GRAMD1C: variants seen among roughly 807,000 people sequenced by gnomAD.
GRAMD1C encodes the protein GRAM domain containing 1C.
A neutral mutation model predicts 97.8 loss-of-function variants in GRAMD1C; 89 were observed. The observed-to-expected ratio is 0.91, with a 90% CI of 0.77 to 1.09. The LOEUF (loss-of-function observed/expected upper bound fraction) is 1.09, where lower values mean the gene tolerates loss of function less well. Among genes scored for constraint, GRAMD1C ranks in the 50% least tolerant of loss-of-function variants. The pLI is 0.00. For synonymous variants in GRAMD1C, 256 were observed against 267.0 expected (o/e 0.96, Z 0.40); for missense variants, 740 against 766.4 (o/e 0.97, Z 0.41).
intron 8 of GRAMD1C, among the ~76,000 whole-genome samples, chr3:113,905,742 C>G (rs1936347622): frequency 6.6e-6 from 1 of 151,688 alleles, no homozygotes; most frequent in South Asian, 2.1e-4. Context: ...GTTGCCCAGG[C>G]TGGAGTGCAG....
intron 6 of GRAMD1C, among the ~76,000 whole-genome samples, chr3:113,900,366 A>G (rs1334875615): frequency 1.3e-5 from 2 of 150,768 alleles, no homozygotes; most frequent in Non-Finnish European, 3.0e-5. Flanking sequence ...CTCAAAAACA[A>G]GCAAACAAAC....
chr3:113,851,521 T>C (rs1333345111), intron 2 of GRAMD1C, among the ~76,000 whole-genome samples: 1 of 140,446 alleles, frequency 7.1e-6, no homozygotes, highest in African/African-American at 2.6e-5. Context: ...TTTCTTTCTT[T>C]CTTTTTTTTT....
intron 6 of GRAMD1C, chr3:113,897,850 T>C (rs1417780094): frequency 3.8e-6 from 2 of 523,334 alleles, no homozygotes; most frequent in African/African-American, 4.2e-5. Flanking sequence ...TTAGGTTGTT[T>C]TGAAGACTAC....
At chr3:113,829,330 C>T (rs112038226) in intron 1 of GRAMD1C, among the ~76,000 whole-genome samples, 2,232 of 152,152 alleles carry the variant, frequency 0.015, 51 homozygotes, top group African/African-American at 0.049. Context: ...GGCCTGTGGC[C>T]CCAGGTACTT....
intron 2 of GRAMD1C, among the ~76,000 whole-genome samples, chr3:113,866,726 C>T (rs1389610297): frequency 1.3e-5 from 2 of 152,016 alleles, no homozygotes; most frequent in Admixed American, 6.6e-5. Flanking sequence ...TCTTCAGATT[C>T]ATACTAATTT....
intron 6 of GRAMD1C, among the ~76,000 whole-genome samples, chr3:113,896,850 AT>A (rs1479972832): frequency 6.6e-6 from 1 of 152,164 alleles, no homozygotes; most frequent in African/African-American, 2.4e-5. Context: ...ATTAGGGCAA[AT>A]TTTGCTTCTT....
intron 17 of GRAMD1C, 109 bp downstream of exon 17, chr3:113,940,454 C>G (rs193214141): frequency 1.6e-6 from 1 of 638,052 alleles, no homozygotes; most frequent in Non-Finnish European, 2.8e-6. Flanking sequence ...AAAAAATCCC[C>G]CTGCTAGAGC....
At chr3:113,908,436 A>C (rs1936445940) in intron 8 of GRAMD1C, among the ~76,000 whole-genome samples, 1 of 151,322 alleles carries the variant, frequency 6.6e-6, no homozygotes, top group Non-Finnish European at 1.5e-5. Flanking sequence ...TGTTTTTATG[A>C]GTTTGCTATG....
chr3:113,898,770 C>G (rs771578693), intron 6 of GRAMD1C, among the ~76,000 whole-genome samples: 7 of 152,142 alleles, frequency 4.6e-5, no homozygotes, highest in Non-Finnish European at 8.8e-5. Context: ...TGCCATTTCA[C>G]TTAACTTGAA....
chr3:113,850,843 C>T (rs1933867179), intron 2 of GRAMD1C: 1 of 419,050 alleles, frequency 2.4e-6, no homozygotes, highest in South Asian at 6.6e-5. Flanking sequence ...GCTCTGTCAC[C>T]CAGGCAGGAG....
intron 10 of GRAMD1C, among the ~76,000 whole-genome samples, chr3:113,922,673 C>T (rs765209300): frequency 4.6e-5 from 7 of 152,136 alleles, no homozygotes; most frequent in East Asian, 1.9e-4. Flanking sequence ...GTTTTGGTTA[C>T]GGTTGTCTTA....
At chr3:113,898,686 A>G (rs1166280019) in intron 6 of GRAMD1C, among the ~76,000 whole-genome samples, 3 of 152,120 alleles carry the variant, frequency 2.0e-5, no homozygotes, top group Non-Finnish European at 4.4e-5. Flanking sequence ...TTAGATATAT[A>G]TTATTTCCAG....
intron 1 of GRAMD1C, among the ~76,000 whole-genome samples, chr3:113,842,972 A>C (rs2108069274): frequency 6.6e-6 from 1 of 151,134 alleles, no homozygotes. Context: ...CAAAAAAAAA[A>C]CAAAACAAAA....
In GRAMD1C at chr3:113,933,651, A is replaced by G; in HGVS notation, c.1350A>G (p.Leu450=). 6.2e-7 allele frequency: 1 copy of G among 1,604,118 alleles called. No homozygotes were observed. Among genetic ancestry groups the G allele is most frequent in the Non-Finnish European group, 8.5e-7 (1 of 1,171,380 alleles). ...GATCTTCAAAACAGAAATGCAGGCT[A>G]AGGTGAGCTGCTGTACATGAATGTG... is the stretch of plus-strand genomic sequence containing the variant. The part of the protein sequence containing the change: ...IIRSSKQKCR[L]RVSTDLKYRK... Residue 450 remains leucine (L), a splice_region_variant and synonymous_variant, in exon 12 of 18, where the codon CTA becomes CTG. Coordinates refer to ENST00000358160, the MANE Select transcript of GRAMD1C (RefSeq NM_017577.5).
At chr3:113,836,477 G>A (rs1209998927), upstream of GRAMD1C, among the ~76,000 whole-genome samples, 3 of 150,660 alleles carry the variant, frequency 2.0e-5, no homozygotes, top group Middle Eastern at 3.2e-3. Flanking sequence ...ATTCATCTTC[G>A]TGGAAGCATT....
At chr3:113,897,465 G>A in intron 6 of GRAMD1C, 1 of 927,212 alleles carries the variant, frequency 1.1e-6, no homozygotes, top group Non-Finnish European at 1.3e-6. Context: ...AGTGGCTTAG[G>A]AACCTGTAGA....
intron 6 of GRAMD1C, 49 bp from the exon 7 acceptor site, chr3:113,900,982 T>TTA: frequency 2.2e-6 from 2 of 929,046 alleles, no homozygotes; most frequent in Non-Finnish European, 3.5e-6. Flanking sequence ...CACTGTGATA[T>TTA]TATATTTTAT....
At chr3:113,922,424 C>A (rs1937093830) in intron 10 of GRAMD1C, among the ~76,000 whole-genome samples, 1 of 152,152 alleles carries the variant, frequency 6.6e-6, no homozygotes, top group Non-Finnish European at 1.5e-5. Flanking sequence ...ACATTTAAGT[C>A]TTTAATCCAT....
upstream of GRAMD1C, among the ~76,000 whole-genome samples, chr3:113,837,069 T>A (rs1263154846): frequency 6.6e-6 from 1 of 152,154 alleles, no homozygotes; most frequent in Non-Finnish European, 1.5e-5. Context: ...CTAGAATGTC[T>A]TCCCTCCCTC....
Sources: allele counts gnomAD v4.1 joint callset (sites outside exome capture counted in the v4.1 genomes callset), GRCh38; gene constraint gnomAD v4.1.1; transcripts MANE v1.5; gene names NCBI Gene and HGNC (gene_info 2026-07-23, HGNC 2026-07-21).